The following ANKRD13C variants were observed in gnomAD, a reference collection of about 807,000 sequenced individuals.
ANKRD13C encodes the protein ankyrin repeat domain-containing protein 13C.
In ANKRD13C, 16 loss-of-function variants were observed where a neutral mutation model predicts 65.5. The ratio of observed to expected loss-of-function variants is 0.24; its 90% confidence interval spans 0.17 to 0.37. ANKRD13C has a LOEUF of 0.37. ANKRD13C is among the 10% of genes least tolerant of loss of function. The probability of loss-of-function intolerance (pLI) is 1.00; values close to 1 mark genes in which losing one functional copy is unlikely to be tolerated. For missense variants in ANKRD13C, 503 were observed against 655.9 expected (o/e 0.77, Z 2.55); for synonymous variants, 235 against 238.7 (o/e 0.98, Z 0.14).
At chr1:70,274,191 C>T (rs1426703242) in intron 11 of ANKRD13C, among the ~76,000 whole-genome samples, 1 of 151,066 alleles carries the variant, frequency 6.6e-6, no homozygotes, top group East Asian at 2.0e-4. Context: ...AAAACCTACT[C>T]GGCTGGGCGT....
intron 1 of ANKRD13C, among the ~76,000 whole-genome samples, chr1:70,342,417 A>G (rs965072986): frequency 1.3e-5 from 2 of 152,102 alleles, no homozygotes; most frequent in African/African-American, 4.8e-5. Context: ...GCATGCCTAT[A>G]ATCCCAGCTA....
At chr1:70,313,987 T>C (rs1289881041) in intron 4 of ANKRD13C, among the ~76,000 whole-genome samples, 197 bp from the exon 5 acceptor site, 1 of 151,876 alleles carries the variant, frequency 6.6e-6, no homozygotes, top group East Asian at 1.9e-4. Context: ...TTTAAATTTG[T>C]ATCAATAAAT....
At chr1:70,335,926 A>G (rs2101589641) in intron 2 of ANKRD13C, 132 bp downstream of exon 2, 1 of 271,646 alleles carries the variant, frequency 3.7e-6, no homozygotes, top group East Asian at 9.1e-5. Context: ...TAATTTCAAT[A>G]TACTAAATTC....
chr1:70,281,396 CTTTTTTTT>C (rs71583111), intron 9 of ANKRD13C, among the ~76,000 whole-genome samples: 5 of 85,356 alleles, frequency 5.9e-5, no homozygotes, highest in African/African-American at 1.3e-4. Flanking sequence ...TGACTAAATT[CTTTTTTTT>C]TTTTTTTTTT....
chr1:70,292,206 C>T, intron 9 of ANKRD13C, 182 bp downstream of exon 9: 2 of 442,170 alleles, frequency 4.5e-6, no homozygotes, highest in Non-Finnish European at 7.7e-6. Context: ...CAAAAAAATC[C>T]CAAAAGACAT....
At chr1:70,331,437 T>G (rs976030939) in intron 2 of ANKRD13C, among the ~76,000 whole-genome samples, 2 of 146,374 alleles carry the variant, frequency 1.4e-5, no homozygotes, top group Non-Finnish European at 3.0e-5. Context: ...AACACACACC[T>G]GTAATCCCAG....
At chr1:70,292,254 GA>G in intron 9 of ANKRD13C, 133 bp downstream of exon 9, 3 of 617,072 alleles carry the variant, frequency 4.9e-6, no homozygotes, top group Non-Finnish European at 7.4e-6. Context: ...ACGAAATGAA[GA>G]TTCACAGAAA....
intron 6 of ANKRD13C, among the ~76,000 whole-genome samples, chr1:70,303,079 C>T (rs914378689): frequency 2.6e-5 from 4 of 151,974 alleles, no homozygotes; most frequent in African/African-American, 4.8e-5. Flanking sequence ...TTAGATCTAG[C>T]GATATGTAAA....
At chr1:70,263,692 T>C (rs1225141021) in intron 12 of ANKRD13C, among the ~76,000 whole-genome samples, 1 of 152,128 alleles carries the variant, frequency 6.6e-6, no homozygotes, top group East Asian at 1.9e-4. Flanking sequence ...GGCTCACACC[T>C]ATAATCCCAA....
intron 1 of ANKRD13C, among the ~76,000 whole-genome samples, chr1:70,352,951 AAGCCTACGATCCAATGGAAT>A (rs1682811980): frequency 6.6e-6 from 1 of 152,202 alleles, no homozygotes; most frequent in Non-Finnish European, 1.5e-5. Context: ...TTGTCCTAAA[AAGCCTACGATCCAATGGAAT>A]TAAGTGAGCT....
chr1:70,352,082 G>C (rs1340456965), intron 1 of ANKRD13C, among the ~76,000 whole-genome samples: 1 of 152,182 alleles, frequency 6.6e-6, no homozygotes, highest in Non-Finnish European at 1.5e-5. Flanking sequence ...GCTCAGGCCT[G>C]TAATCCCAGC....
intron 5 of ANKRD13C, among the ~76,000 whole-genome samples, chr1:70,306,723 T>G (rs1169765332): frequency 6.6e-6 from 1 of 152,154 alleles, no homozygotes; most frequent in African/African-American, 2.4e-5. Flanking sequence ...ATCTTTGAAG[T>G]GAGACAGTTA....
intron 1 of ANKRD13C, 61 bp downstream of exon 1, chr1:70,353,918 T>C (rs762964249): frequency 3.4e-6 from 5 of 1,450,032 alleles, no homozygotes; most frequent in South Asian, 1.6e-5. Flanking sequence ...TCCAGAAGCC[T>C]GGGGAGGCAC....
At chr1:70,291,098 T>C (rs1484741387) in intron 9 of ANKRD13C, among the ~76,000 whole-genome samples, 1 of 151,878 alleles carries the variant, frequency 6.6e-6, no homozygotes, top group Admixed American at 6.6e-5. Flanking sequence ...AATGGCGCAA[T>C]CTCAGCTCCA....
At position 70,313,775 on chromosome 1, in the gene ANKRD13C, G is replaced by C; in HGVS notation, c.679C>G (p.Leu227Val). 6.2e-7 allele frequency: 1 copy of C among 1,609,500 alleles called. No individual in the cohort carries two copies. The highest frequency in any genetic ancestry group is 8.5e-7 in the Non-Finnish European group (1 of 1,176,558). The change falls in exon 5 of 13, where the codon CTA becomes GTA. Residue 227 changes from leucine (L) to valine (V), a missense_variant. Transcript: ENST00000370944. ...KALKELGDFY[L>V]ELHWDFQSWV... ...CTTTGAAAATCCCAGTGAAGTTCTA[G>C]ATAAAAGTCACCTAGCTGAAAAATG...
At chr1:70,266,296 A>C (rs1385377604) in intron 12 of ANKRD13C, among the ~76,000 whole-genome samples, 3 of 152,234 alleles carry the variant, frequency 2.0e-5, no homozygotes, top group African/African-American at 7.2e-5. Context: ...CAATTCATCC[A>C]GGTTGTTTCA....
chr1:70,328,131 A>G (rs1043718087), intron 2 of ANKRD13C, among the ~76,000 whole-genome samples: 9 of 152,248 alleles, frequency 5.9e-5, no homozygotes, highest in African/African-American at 2.2e-4. Flanking sequence ...AAACAATGTT[A>G]ATTATTGAGT....
chr1:70,296,506 G>A (rs542992600), intron 7 of ANKRD13C, among the ~76,000 whole-genome samples: 127 of 151,930 alleles, frequency 8.4e-4, no homozygotes, highest in African/African-American at 2.9e-3. Context: ...CATGAAATAC[G>A]GTACTATTAT....
In ANKRD13C at chr1:70,354,103, A is replaced by C; in HGVS notation, c.306T>G (p.Ala102=). 6.2e-7 allele frequency: 1 copy of C among 1,612,906 alleles called. No homozygotes were observed. ...PALLAGTNPV[A]VVADGGSCPA... Reference sequence around the variant, plus strand: ...GGCAACTGCCTCCATCCGCGACGACAGCAACGGGGTTGGTGCCGGCCAGAA... The same window carrying C: ...GGCAACTGCCTCCATCCGCGACGACCGCAACGGGGTTGGTGCCGGCCAGAA... The change falls in exon 1 of 13, where the codon GCT becomes GCG. Residue 102 remains alanine, a synonymous_variant. Coordinates refer to ENST00000370944, the MANE Select transcript of ANKRD13C (RefSeq NM_030816.5).
Sources: allele counts gnomAD v4.1 joint callset (sites outside exome capture counted in the v4.1 genomes callset), GRCh38; gene constraint gnomAD v4.1.1; transcripts MANE v1.5; gene names NCBI Gene and HGNC (gene_info 2026-07-23, HGNC 2026-07-21).